Variants in BBOX1 observed in about 807,000 individuals in gnomAD.
BBOX1 encodes gamma-butyrobetaine dioxygenase.
Under a neutral mutation model 41.6 loss-of-function variants are expected in BBOX1, and 35 were observed. The observed-to-expected ratio is 0.84, with a 90% CI of 0.64 to 1.11. The LOEUF (loss-of-function observed/expected upper bound fraction) is 1.11. Ranked by LOEUF, BBOX1 falls within the 50% of genes most tolerant of loss-of-function variation. The pLI is 0.00. For synonymous variants in BBOX1, 163 were observed against 154.7 expected (o/e 1.05, Z -0.40); for missense variants, 458 against 460.6 (o/e 0.99, Z 0.05).
At chr11:27,124,180 A>G (rs1201551800) in intron 7 of BBOX1, among the ~76,000 whole-genome samples, 1 of 152,144 alleles carries the variant, frequency 6.6e-6, no homozygotes, top group Non-Finnish European at 1.5e-5. Flanking sequence ...ACCCAGGTGT[A>G]TGTGTGTTTG....
At chr11:27,085,490 T>C (rs1857999845) in intron 4 of BBOX1, among the ~76,000 whole-genome samples, 1 of 151,912 alleles carries the variant, frequency 6.6e-6, no homozygotes, top group Non-Finnish European at 1.5e-5. Context: ...CCAGCACTCA[T>C]ATATGACAGA....
intron 5 of BBOX1, among the ~76,000 whole-genome samples, chr11:27,098,337 T>C (rs781172697): frequency 3.3e-5 from 5 of 152,002 alleles, no homozygotes; most frequent in Non-Finnish European, 7.4e-5. Flanking sequence ...CCTGGCATTA[T>C]AATAAACCAA....
chr11:27,060,385 T>C (rs1057443993), intron 4 of BBOX1, among the ~76,000 whole-genome samples: 2 of 152,144 alleles, frequency 1.3e-5, no homozygotes, highest in African/African-American at 4.8e-5. Flanking sequence ...GTCAGCACCA[T>C]GCTTCCTATA....
At position 27,093,179 on chromosome 11, in the gene BBOX1, T is replaced by G. The variant is rs956693478; in HGVS notation, c.346T>G (p.Trp116Gly). ...TTATCAATTCACAGAATGCCAATAC[T>G]GGGGCTCAGAGCTCCAGCTACCCAC... ...RELFFPECQY[W>G]GSELQLPTLD... Residue 116 changes from tryptophan (W) to glycine (G), a missense_variant, in exon 5 of 9, where the codon TGG becomes GGG. Coordinates refer to ENST00000263182, the MANE Select transcript of BBOX1 (RefSeq NM_003986.3). The G allele has an allele frequency of 1.9e-6, 3 of 1,612,082 alleles. No individual in the cohort carries two copies. In the African/African-American group the frequency reaches 4.0e-5, roughly 22 times the overall value.
intron 4 of BBOX1, among the ~76,000 whole-genome samples, chr11:27,071,802 A>G (rs923407100): frequency 2.0e-5 from 3 of 152,196 alleles, no homozygotes; most frequent in Admixed American, 1.3e-4. Context: ...GCATATAAAC[A>G]GAACCAAAGA....
chr11:27,115,361 T>A, intron 5 of BBOX1, 91 bp from the exon 6 acceptor site: 1 of 1,030,656 alleles, frequency 9.7e-7, no homozygotes, highest in Non-Finnish European at 1.4e-6. Context: ...ATGAAAAGTT[T>A]CCATTTCTCC....
chr11:27,064,661 G>A (rs1044926224), intron 4 of BBOX1, among the ~76,000 whole-genome samples: 1 of 152,152 alleles, frequency 6.6e-6, no homozygotes, highest in Admixed American at 6.5e-5. Flanking sequence ...ATGCCATGGG[G>A]GAGATGGAGT....
intron 4 of BBOX1, among the ~76,000 whole-genome samples, chr11:27,057,602 C>A (rs555714043): frequency 1.3e-5 from 2 of 152,116 alleles, no homozygotes; most frequent in Non-Finnish European, 1.5e-5. Context: ...ACAGACACTC[C>A]GTAAGTGTTC....
chr11:27,100,078 T>A (rs1411394564), intron 5 of BBOX1, among the ~76,000 whole-genome samples: 2 of 152,124 alleles, frequency 1.3e-5, no homozygotes, highest in Non-Finnish European at 2.9e-5. Flanking sequence ...TTCTGAAAGT[T>A]GTCTTGTAAG....
intron 4 of BBOX1, among the ~76,000 whole-genome samples, chr11:27,063,582 G>A (rs549627551): frequency 1.1e-3 from 171 of 150,054 alleles, no homozygotes; most frequent in Non-Finnish European, 2.2e-3. Context: ...ATAACTTGAA[G>A]AAAATATTTT....
chr11:27,051,698 C>T (rs1851674359), intron 2 of BBOX1, among the ~76,000 whole-genome samples: 1 of 151,806 alleles, frequency 6.6e-6, no homozygotes, highest in Non-Finnish European at 1.5e-5. Flanking sequence ...TGAGTCTTCT[C>T]TCTTTGTTTC....
chr11:27,045,355 A>G (rs540814455), intron 2 of BBOX1, among the ~76,000 whole-genome samples: 2 of 152,306 alleles, frequency 1.3e-5, no homozygotes, highest in Admixed American at 6.5e-5. Flanking sequence ...TTCTAAATGT[A>G]CAATTCATGT....
chr11:27,073,400 A>T lies in BBOX1; in HGVS notation c.334+16085A>T, dbSNP rs1208836041. On this transcript the variant is annotated intron_variant, in intron 4 of 8. Coordinates refer to ENST00000263182, the MANE Select transcript of BBOX1 (RefSeq NM_003986.3). ...CCAGTTAGAATGGCGATCATTAAAA[A>T]GTCAGGAAACAACAGGTGCTGGAGA... 2.0e-5 allele frequency among the ~76,000 whole-genome samples: 3 copies of T among 152,026 alleles called. No homozygotes were observed. In the East Asian group the frequency reaches 5.8e-4, roughly 29 times the overall value.
At chr11:27,042,312 C>T (rs1050366564) in intron 2 of BBOX1, among the ~76,000 whole-genome samples, 1 of 152,140 alleles carries the variant, frequency 6.6e-6, no homozygotes, top group Non-Finnish European at 1.5e-5. Flanking sequence ...GAATTGTGAA[C>T]CTATTTTAGA....
At chr11:27,107,083 A>G (rs1858899432) in intron 5 of BBOX1, among the ~76,000 whole-genome samples, 1 of 152,174 alleles carries the variant, frequency 6.6e-6, no homozygotes, top group Non-Finnish European at 1.5e-5. Flanking sequence ...TGACACATTT[A>G]AAGCAGTGTG....
chr11:27,054,541 C>A (rs776413670), intron 2 of BBOX1, among the ~76,000 whole-genome samples: 1 of 152,088 alleles, frequency 6.6e-6, no homozygotes, highest in Non-Finnish European at 1.5e-5. Flanking sequence ...AAGCATAATA[C>A]CACGGTGTCT....
intron 5 of BBOX1, among the ~76,000 whole-genome samples, chr11:27,096,575 C>T (rs548561725): frequency 1.0e-3 from 153 of 152,026 alleles, no homozygotes; most frequent in Non-Finnish European, 1.3e-3. Context: ...GAAACTAGTA[C>T]CCACCTCGCA....
intron 4 of BBOX1, among the ~76,000 whole-genome samples, chr11:27,073,969 G>A (rs1253232766): frequency 7.2e-5 from 11 of 151,958 alleles, no homozygotes; most frequent in Admixed American, 2.6e-4. Context: ...TGTAAATGAC[G>A]AGTTAATGGG....
chr11:27,055,238 C>G lies in BBOX1; in HGVS notation c.-38-155C>G, dbSNP rs530475992. The G allele has an allele frequency of 3.3e-4, 177 of 544,314 alleles. 1 individual carries two copies. The Middle Eastern group carries it at 3.9e-3, about 12-fold the overall frequency. The allele number at this position is 544,314 out of a possible 1,614,324, so 33.7% of individuals were successfully genotyped here. ...GCTTACAGTATGTGAAATACTCTCACCAGAACAAAGGTCCCAGCGTCAATA... is the reference window on the plus strand; with the variant it reads ...GCTTACAGTATGTGAAATACTCTCAGCAGAACAAAGGTCCCAGCGTCAATA... On this transcript the variant is annotated intron_variant, in intron 2 of 8. Transcript: ENST00000263182.
Sources: allele counts gnomAD v4.1 joint callset (sites outside exome capture counted in the v4.1 genomes callset), GRCh38; gene constraint gnomAD v4.1.1; transcripts MANE v1.5; gene names NCBI Gene and HGNC (gene_info 2026-07-23, HGNC 2026-07-21).